RNF19A: variants seen among roughly 807,000 people sequenced by gnomAD.
RNF19A encodes the protein ring finger protein 19A, RBR E3 ubiquitin protein ligase.
RNF19A carries 32 observed loss-of-function variants against 75.7 expected under a neutral mutation model. That is an observed-to-expected ratio of 0.42 (90% CI 0.32 to 0.57). The LOEUF is 0.57. Among genes scored for constraint, RNF19A ranks in the 20% least tolerant of loss-of-function variants. The probability of loss-of-function intolerance (pLI) is 0.10; values close to 1 mark genes in which losing one functional copy is unlikely to be tolerated. For missense variants in RNF19A, 782 were observed against 1,036.3 expected, an observed-to-expected ratio of 0.75 and a Z score of 3.37; for synonymous variants, 335 against 345.2, an observed-to-expected ratio of 0.97 and a Z score of 0.33.
chr8:100,312,625 G>GAGAA (rs202138277), upstream of RNF19A, among the ~76,000 whole-genome samples: 2 of 151,610 alleles, frequency 1.3e-5, no homozygotes, highest in Admixed American at 6.6e-5. Flanking sequence ...GAGGGAGGGA[G>GAGAA]AGAAAGAAAG....
chr8:100,310,631 ACC>A (rs1822269695), upstream of RNF19A, among the ~76,000 whole-genome samples: 2 of 152,104 alleles, frequency 1.3e-5, no homozygotes, highest in Non-Finnish European at 2.9e-5. Flanking sequence ...GGACGGCAGC[ACC>A]CTGTGCGTCT....
rs1822497169 is a variant in RNF19A, at chr8:100,324,051, T to C, written c.-242-10679A>G. 6.6e-6 allele frequency among the ~76,000 whole-genome samples: 1 copy of C among 152,172 alleles called. No homozygotes were observed. Among genetic ancestry groups the C allele is most frequent in the Non-Finnish European group, 1.5e-5 (1 of 68,026 alleles). ...CTTTGTACAATGTATCCCAAGGACATGAGGGAAAAACTGAACAATTACTAC... is the reference window on the plus strand; with the variant it reads ...CTTTGTACAATGTATCCCAAGGACACGAGGGAAAAACTGAACAATTACTAC... On this transcript the variant is annotated intron_variant, in intron 1 of 3. Coordinates refer to the RNF19A transcript ENST00000519527. The surrounding 1 kb of genome is among the most constrained non-coding windows in gnomAD (Gnocchi z 4.2).
In RNF19A at chr8:100,331,121, G is replaced by T. The variant is rs961185459; in HGVS notation, c.-243+4987C>A. Among the ~76,000 whole-genome samples the T allele has an allele frequency of 1.1e-4, 17 of 152,096 alleles. No homozygotes were observed. Among genetic ancestry groups the T allele is most frequent in the Non-Finnish European group, 1.9e-4 (13 of 68,030 alleles). On this transcript the variant is annotated intron_variant, in intron 1 of 3. Coordinates refer to the RNF19A transcript ENST00000519527. This position sits in a 1 kb window ranked among gnomAD's most constrained non-coding sequence, Gnocchi z 5.2. ...ACATTTATTAAGCACATCCCATATG[G>T]GTCAGGTGCTGGGCAATTCAATAAG...
At position 100,324,646 on chromosome 8, in the gene RNF19A, C is replaced by G. The variant is rs2439456; in HGVS notation, c.-242-11274G>C. Among the ~76,000 whole-genome samples the G allele has an allele frequency of 9.4e-4, 143 of 151,982 alleles. 3 individuals carry two copies. The East Asian group carries it at 0.026, about 27-fold the overall frequency. ...TACATTTGCATTGATTTTTCACAAA[C>G]GAAGAATTTCCAACCTGAGAAACCT... is the stretch of plus-strand genomic sequence containing the variant. On this transcript the variant is annotated intron_variant, in intron 1 of 3. Transcript: ENST00000519527. The surrounding 1 kb of genome is among the most constrained non-coding windows in gnomAD (Gnocchi z 4.2).
At chr8:100,304,573 A>G (rs1307878578) in intron 1 of RNF19A, among the ~76,000 whole-genome samples, 1 of 152,172 alleles carries the variant, frequency 6.6e-6, no homozygotes, top group African/African-American at 2.4e-5. Flanking sequence ...TTATTTAAGG[A>G]TGCCTATATA....
At chr8:100,314,449 G>A (rs917505953), upstream of RNF19A, among the ~76,000 whole-genome samples, 7 of 152,048 alleles carry the variant, frequency 4.6e-5, no homozygotes, top group East Asian at 5.8e-4. The surrounding 1 kb of genome is among the most constrained non-coding windows in gnomAD (Gnocchi z 4.1). Context: ...TGGACCATCC[G>A]GCAGGCTGGC....
upstream of RNF19A, among the ~76,000 whole-genome samples, chr8:100,313,902 C>CTTTTTTTTTT (rs371385291): frequency 7.5e-6 from 1 of 132,608 alleles, no homozygotes. Flanking sequence ...AAGAGAACTA[C>CTTTTTTTTTT]TTTTTTTTTG....
At position 100,277,281 on chromosome 8, in the gene RNF19A, C is replaced by T. The variant is rs2919466; in HGVS notation, c.675-2120G>A. On this transcript the variant is annotated intron_variant, in intron 2 of 9. Transcript: ENST00000341084. ...CAGGATTTTAAGAGTCAGGGAGTTC[C>T]CTCCATTTTTGGACTTGTTGATCCC... Among the ~76,000 whole-genome samples the T allele has an allele frequency of 8.1e-3, 1,240 of 152,166 alleles. 7 individuals carry two copies. Among genetic ancestry groups the T allele is most frequent in the Admixed American group, 0.013 (191 of 15,276 alleles).
chr8:100,274,565 A>G (rs1461334550), intron 3 of RNF19A, among the ~76,000 whole-genome samples: 1 of 152,190 alleles, frequency 6.6e-6, no homozygotes, highest in Admixed American at 6.5e-5. Flanking sequence ...AATTATTTTT[A>G]GTAGAGATGG....
rs1354930351 is a variant in RNF19A at position 100,317,819 on chromosome 8, A to G, written c.-242-4447T>C. The stretch of plus-strand genomic sequence containing the variant: ...CCATATGTGGCAGCTTGCTCAGGAC[A>G]CTCATGGCTTACACCTATTGTGGGG... On this transcript the variant is annotated intron_variant, in intron 1 of 3. Transcript: ENST00000519527. The surrounding 1 kb of genome is among the most constrained non-coding windows in gnomAD (Gnocchi z 4.3). 1.3e-5 allele frequency among the ~76,000 whole-genome samples: 2 copies of G among 152,170 alleles called. No homozygotes were observed. The highest frequency in any genetic ancestry group is 2.4e-5 in the African/African-American group (1 of 41,432).
intron 1 of RNF19A, among the ~76,000 whole-genome samples, chr8:100,296,724 G>A (rs914251742): frequency 6.6e-6 from 1 of 152,194 alleles, no homozygotes; most frequent in Non-Finnish European, 1.5e-5. Flanking sequence ...AACAGTTTCT[G>A]TAAATCATTC....
rs1822584019 is a variant in RNF19A, at chr8:100,329,558, C to T, written c.-243+6550G>A. 6.6e-6 allele frequency among the ~76,000 whole-genome samples: 1 copy of T among 152,156 alleles called. No individual in the cohort carries two copies. The highest frequency in any genetic ancestry group is 6.5e-5 in the Admixed American group (1 of 15,270). On this transcript the variant is annotated intron_variant, in intron 1 of 3. Transcript: ENST00000519527. The surrounding 1 kb of genome is among the most constrained non-coding windows in gnomAD (Gnocchi z 4.3). ...CCACTGAACTCAGCAATGGTCAGGC[C>T]TCATCTGGAGGCTTATATTTAAGCA...
In RNF19A at chr8:100,258,140, C is replaced by A. The variant is rs1455381785; in HGVS notation, c.*416G>T. ...GAGTAACCTATGCAGTTCTTTTAAA[C>A]TTATCTCTTTAGTGGTTTCAATAAA... On this transcript the variant is annotated 3_prime_UTR_variant, in exon 10 of 10. Coordinates refer to ENST00000341084, the MANE Select transcript of RNF19A (RefSeq NM_183419.4). This position sits in a 1 kb window ranked among gnomAD's most constrained non-coding sequence, Gnocchi z 4.3. 7.4e-6 allele frequency: 3 copies of A among 403,098 alleles called. No individual in the cohort carries two copies. Among genetic ancestry groups the A allele is most frequent in the East Asian group, 3.6e-5 (1 of 28,098 alleles). The allele number at this position is 403,098 out of a possible 1,614,324, so 25.0% of individuals were successfully genotyped here. A position where few individuals can be genotyped will look rare whatever the true frequency, so the allele number is the denominator to read the frequency against.
intron 1 of RNF19A, among the ~76,000 whole-genome samples, chr8:100,307,405 C>A (rs1353162521): frequency 3.9e-5 from 6 of 152,172 alleles, no homozygotes; most frequent in Middle Eastern, 3.4e-3. Flanking sequence ...CAGAAAACTA[C>A]ATATCTCAAC....
chr8:100,316,030 T>C (rs1822368968), intron 1 of RNF19A, among the ~76,000 whole-genome samples: 1 of 152,180 alleles, frequency 6.6e-6, no homozygotes, highest in South Asian at 2.1e-4. Flanking sequence ...TTACAGCTTT[T>C]AAGGTGGCGC....
chr8:100,262,108 T>C (rs1403627452), intron 7 of RNF19A, among the ~76,000 whole-genome samples: 11 of 152,224 alleles, frequency 7.2e-5, no homozygotes, highest in Admixed American at 7.2e-4. Flanking sequence ...AGTTGATTTC[T>C]AGATATATGC....
rs775744984 is a variant in RNF19A, at chr8:100,287,962, A to C, written c.213T>G (p.Phe71Leu). The C allele has an allele frequency of 7.4e-6, 12 of 1,613,994 alleles. No individual in the cohort carries two copies. Among genetic ancestry groups the C allele is most frequent in the African/African-American group, 4.0e-5 (3 of 74,900 alleles). Residue 71 changes from phenylalanine (F) to leucine (L), a missense_variant, in exon 2 of 10, where the codon TTT (phenylalanine) becomes TTG (leucine). Coordinates refer to ENST00000341084, the MANE Select transcript of RNF19A (RefSeq NM_183419.4). The surrounding 1 kb of genome is among the most constrained non-coding windows in gnomAD (Gnocchi z 4.1). ...TACGTTTGTTATCTTTTTTCCTCCG[A>C]AACAGGGAGCCTATTGAAATTCTTC... ...KKRRISIGSLFRRKKDNKRKS... is the reference protein window; with the variant it reads ...KKRRISIGSLLRRKKDNKRKS...
In RNF19A at chr8:100,261,490, T is replaced by C. The variant is rs1375091472; in HGVS notation, c.1682+52A>G. 7.1e-7 allele frequency: 1 copy of C among 1,412,304 alleles called. No homozygotes were observed. The highest frequency in any genetic ancestry group is 1.4e-5 in the African/African-American group (1 of 70,896). 87.5% of individuals were successfully genotyped at this position (1,412,304 alleles called of 1,614,324 possible). A position where few individuals can be genotyped will look rare whatever the true frequency, so the allele number is the denominator to read the frequency against. On this transcript the variant is annotated intron_variant, in intron 8 of 9. Coordinates refer to ENST00000341084, the MANE Select transcript of RNF19A (RefSeq NM_183419.4). The surrounding 1 kb of genome is among the most constrained non-coding windows in gnomAD (Gnocchi z 4.4). ...TTTATGTTCAAAATTCTCACCTAAT[T>C]AATAATTTGTAGTTACCAGAAAGCA...
At chr8:100,272,013 A>G (rs1820279343) in intron 3 of RNF19A, among the ~76,000 whole-genome samples, 1 of 152,162 alleles carries the variant, frequency 6.6e-6, no homozygotes, top group African/African-American at 2.4e-5. Flanking sequence ...GGCCATTGTC[A>G]TATTAAGAAA....
Sources: gnomAD v4.1 joint callset for allele counts (sites outside exome capture counted in the v4.1 genomes callset) on GRCh38, gnomAD v4.1.1 for gene constraint, Gnocchi (gnomAD v3.1) non-coding constraint, MANE v1.5 for transcripts, NCBI Gene and HGNC (gene_info 2026-07-23, HGNC 2026-07-21) for gene names.